The following ARMH3 variants were observed in gnomAD, a reference collection of about 807,000 sequenced individuals.
The protein encoded by ARMH3 is armadillo-like helical domain-containing protein 3.
ARMH3 carries 60 observed loss-of-function variants against 99.1 expected under a neutral mutation model. That is an observed-to-expected ratio of 0.61 (90% CI 0.49 to 0.75). The LOEUF (loss-of-function observed/expected upper bound fraction) is 0.75, where lower values mean the gene tolerates loss of function less well. Ranked by LOEUF, ARMH3 falls within the 30% of genes least tolerant of loss-of-function variation. The pLI is 0.00. For missense variants in ARMH3, 679 were observed against 843.1 expected (o/e 0.81, Z 2.41); for synonymous variants, 285 against 292.8 (o/e 0.97, Z 0.27).
intron 24 of ARMH3, among the ~76,000 whole-genome samples, chr10:101,860,251 T>C (rs927229402): frequency 2.6e-5 from 4 of 152,100 alleles, no homozygotes; most frequent in African/African-American, 9.7e-5. Context: ...TATATAGATA[T>C]AGATATAGAT....
Position 101,910,133 on chromosome 10 carries a change from T to C in ARMH3, c.1782-20643A>G, listed in dbSNP as rs148838013. ...CTGGCAAGTCAAAAACACTGGAGATTGGAATTTTCTTCAAAATGCCTAGTC... is the reference window on the plus strand; with the variant it reads ...CTGGCAAGTCAAAAACACTGGAGATCGGAATTTTCTTCAAAATGCCTAGTC... On this transcript the variant is annotated intron_variant, in intron 23 of 25. Transcript: ENST00000370033. 1.2e-4 allele frequency among the ~76,000 whole-genome samples: 18 copies of C among 152,292 alleles called. No individual in the cohort carries two copies. In the East Asian group the frequency reaches 3.3e-3, roughly 28 times the overall value.
At chr10:101,946,804 C>A (rs1844551784) in intron 22 of ARMH3, among the ~76,000 whole-genome samples, 1 of 151,292 alleles carries the variant, frequency 6.6e-6, no homozygotes, top group Non-Finnish European at 1.5e-5. Context: ...TCAAGAAGCT[C>A]AGCAAACCCC....
At chr10:102,016,260 C>G (rs1366754423) in intron 8 of ARMH3, among the ~76,000 whole-genome samples, 1 of 152,178 alleles carries the variant, frequency 6.6e-6, no homozygotes, top group Non-Finnish European at 1.5e-5. Context: ...CTGAAATACT[C>G]CAATGAGCAC....
chr10:101,990,373 C>T (rs527875483), intron 19 of ARMH3, among the ~76,000 whole-genome samples, 178 bp downstream of exon 19: 27 of 151,854 alleles, frequency 1.8e-4, no homozygotes, highest in Non-Finnish European at 3.8e-4. Context: ...TTTGTAGAGA[C>T]GGGGTTTCAC....
At chr10:101,910,923 T>C (rs1287722596) in intron 23 of ARMH3, among the ~76,000 whole-genome samples, 1 of 151,874 alleles carries the variant, frequency 6.6e-6, no homozygotes, top group Non-Finnish European at 1.5e-5. Flanking sequence ...ATGGACCACC[T>C]GGGTTCAGGA....
At chr10:101,966,381 A>G (rs186069414) in intron 20 of ARMH3, among the ~76,000 whole-genome samples, 1,882 of 145,698 alleles carry the variant, frequency 0.013, 22 homozygotes, top group Middle Eastern at 0.032. Context: ...GGTTCAAGCA[A>G]TTCTTCTGCC....
At chr10:102,010,328 G>GT (rs1290221835) in intron 11 of ARMH3, among the ~76,000 whole-genome samples, 41 of 152,308 alleles carry the variant, frequency 2.7e-4, no homozygotes, top group Middle Eastern at 6.8e-3. Context: ...TTTTCAGTGT[G>GT]TAAGTTTAGT....
chr10:102,002,135 C>A (rs2066375691), intron 14 of ARMH3, 63 bp from the exon 15 acceptor site: 1 of 1,585,732 alleles, frequency 6.3e-7, no homozygotes, highest in African/African-American at 1.4e-5. Context: ...CTTCTACCCA[C>A]ATAGCCAATT....
At chr10:102,053,260 T>G (rs117507246) in intron 1 of ARMH3, among the ~76,000 whole-genome samples, 1,965 of 134,554 alleles carry the variant, frequency 0.015, 14 homozygotes, top group Non-Finnish European at 0.019. Context: ...TTCCAATGAC[T>G]CCCCACTTTC....
chr10:101,849,961 T>G, intron 24 of ARMH3, 69 bp from the exon 25 acceptor site: 1 of 1,410,648 alleles, frequency 7.1e-7, no homozygotes, highest in Non-Finnish European at 1.0e-6. Context: ...CCCATTCTGC[T>G]GATCTACTGG....
intron 23 of ARMH3, among the ~76,000 whole-genome samples, chr10:101,904,160 T>A (rs998277961): frequency 6.6e-6 from 1 of 152,042 alleles, no homozygotes; most frequent in African/African-American, 2.4e-5. Flanking sequence ...GTTATAAGAG[T>A]GTCCTTGGTT....
At chr10:101,901,459 G>T (rs1226976523) in intron 23 of ARMH3, among the ~76,000 whole-genome samples, 1 of 152,168 alleles carries the variant, frequency 6.6e-6, no homozygotes, top group Non-Finnish European at 1.5e-5. Flanking sequence ...GAACAAAGAT[G>T]AATCTTATTA....
At chr10:101,862,923 G>A (rs1284666442) in intron 24 of ARMH3, among the ~76,000 whole-genome samples, 1 of 152,220 alleles carries the variant, frequency 6.6e-6, no homozygotes, top group Non-Finnish European at 1.5e-5. Context: ...ATCCACTTAA[G>A]CCAGGCGCGG....
chr10:101,930,590 G>T (rs1283424467), intron 23 of ARMH3, among the ~76,000 whole-genome samples: 1 of 152,146 alleles, frequency 6.6e-6, no homozygotes, highest in Admixed American at 6.5e-5. Context: ...TCAAAGGACT[G>T]AAAGTGATAG....
chr10:101,956,741 G>A lies in ARMH3; in HGVS notation c.1579-18C>T, dbSNP rs1175876506. On this transcript the variant is annotated intron_variant, in intron 21 of 25. Coordinates refer to ENST00000370033, the MANE Select transcript of ARMH3 (RefSeq NM_024541.3). The stretch of plus-strand genomic sequence containing the variant: ...TTCACAATCTAAAAAAGAAGGAAAG[G>A]CCCATATATAGGCATCAGGCTATGA... 6.2e-7 allele frequency: 1 copy of A among 1,611,276 alleles called. No homozygotes were observed. Among genetic ancestry groups the A allele is most frequent in the Admixed American group, 1.7e-5 (1 of 59,950 alleles).
At chr10:101,906,755 T>C (rs966466882) in intron 23 of ARMH3, among the ~76,000 whole-genome samples, 2 of 152,208 alleles carry the variant, frequency 1.3e-5, no homozygotes, top group Non-Finnish European at 2.9e-5. Context: ...TCTGAAGTAC[T>C]TGTGGGACCT....
At chr10:102,050,502 T>C (rs2067674811) in intron 1 of ARMH3, among the ~76,000 whole-genome samples, 1 of 151,940 alleles carries the variant, frequency 6.6e-6, no homozygotes, top group Non-Finnish European at 1.5e-5. Context: ...AAAGATTCAG[T>C]TAAAGTTACA....
chr10:101,982,416 G>T (rs369632900), intron 19 of ARMH3, among the ~76,000 whole-genome samples: 3 of 151,972 alleles, frequency 2.0e-5, no homozygotes, highest in Non-Finnish European at 2.9e-5. Flanking sequence ...TTTACAAACC[G>T]TACAGAAAAA....
chr10:101,925,892 C>G (rs1843490606), intron 23 of ARMH3, among the ~76,000 whole-genome samples: 1 of 152,110 alleles, frequency 6.6e-6, no homozygotes. Context: ...GCCTGGGCAA[C>G]AGAGCAAGAC....
Sources: gnomAD v4.1 joint callset for allele counts (sites outside exome capture counted in the v4.1 genomes callset) on GRCh38, gnomAD v4.1.1 for gene constraint, MANE v1.5 for transcripts, NCBI Gene and HGNC (gene_info 2026-07-23, HGNC 2026-07-21) for gene names.